The following SLC25A37 variants were observed in gnomAD, a reference collection of about 807,000 sequenced individuals.
SLC25A37 encodes the protein solute carrier family 25 member 37.
SLC25A37 carries 17 observed loss-of-function variants against 31.0 expected under a neutral mutation model. The ratio of observed to expected loss-of-function variants is 0.55; its 90% CI spans 0.38 to 0.82. SLC25A37 has a LOEUF of 0.82. SLC25A37 is among the 40% of genes least tolerant of loss of function. The pLI is 0.00. For synonymous variants in SLC25A37, 222 were observed against 193.0 expected (o/e 1.15, Z -1.24); for missense variants, 404 against 465.8 (o/e 0.87, Z 1.22).
At chr8:23,550,839 G>A (rs779581913) in intron 1 of SLC25A37, among the ~76,000 whole-genome samples, 40 of 152,324 alleles carry the variant, frequency 2.6e-4, no homozygotes, top group Non-Finnish European at 3.4e-4. Flanking sequence ...GAGCATGCCC[G>A]CACCCACGGG....
At chr8:23,546,000 T>C (rs1326017300) in intron 1 of SLC25A37, among the ~76,000 whole-genome samples, 45 of 152,134 alleles carry the variant, frequency 3.0e-4, no homozygotes, top group Non-Finnish European at 2.9e-5. Flanking sequence ...CTGGGTGTGG[T>C]AGCAGATGCC....
intron 1 of SLC25A37, among the ~76,000 whole-genome samples, chr8:23,565,529 T>A (rs1802630605): frequency 6.6e-6 from 1 of 152,236 alleles, no homozygotes; most frequent in South Asian, 2.1e-4. Flanking sequence ...CCATTTATAT[T>A]TAAGTGCCAA....
chr8:23,532,920 T>A (rs1029066759), intron 1 of SLC25A37, among the ~76,000 whole-genome samples: 7 of 152,334 alleles, frequency 4.6e-5, no homozygotes, highest in Admixed American at 3.3e-4. Context: ...CCAAACAAAG[T>A]GCAGTTCGGT....
In SLC25A37 at chr8:23,528,986, C is replaced by A. The variant is rs2066059669; in HGVS notation, c.-17C>A. On this transcript the variant is annotated 5_prime_UTR_variant, in exon 1 of 4. Coordinates refer to ENST00000519973, the MANE Select transcript of SLC25A37 (RefSeq NM_016612.4). ...TGCCCACCTCCTGCAGCCTCCTGCG[C>A]CCCGCCGAGCTGGCGGATGGAGCTG... 3.4e-6 allele frequency: 5 copies of A among 1,479,954 alleles called. No homozygotes were observed. The highest frequency in any genetic ancestry group is 3.6e-6 in the Non-Finnish European group (4 of 1,113,186). The allele number at this position is 1,479,954 out of a possible 1,614,324, so 91.7% of individuals were successfully genotyped here.
chr8:23,529,602 C>A lies in SLC25A37; in HGVS notation c.210+390C>A, dbSNP rs926127683. ...TTCGGGCTGGCTGGGGCCGCCCACA[C>A]GTGCGCGGTTTCCGAGGGAGCTCCC... On this transcript the variant is annotated intron_variant, in intron 1 of 3. Coordinates refer to ENST00000519973, the MANE Select transcript of SLC25A37 (RefSeq NM_016612.4). The surrounding 1 kb of genome is among the most constrained non-coding windows in gnomAD (Gnocchi z 4.1). Among the ~76,000 whole-genome samples the A allele has an allele frequency of 2.6e-5, 4 of 152,196 alleles. No homozygotes were observed. Among genetic ancestry groups the A allele is most frequent in the Non-Finnish European group, 5.9e-5 (4 of 68,028 alleles).
Position 23,529,410 on chromosome 8 carries a change from C to G in SLC25A37, c.210+198C>G, listed in dbSNP as rs1801617909. On this transcript the variant is annotated intron_variant, in intron 1 of 3. Transcript: ENST00000519973. The surrounding 1 kb of genome is among the most constrained non-coding windows in gnomAD (Gnocchi z 4.1). ...CTTCCGCCGACCCCGCGAGGGTGCC[C>G]GGTCCTCGCCCCGCACCGCCCGCTG... Among the ~76,000 whole-genome samples the G allele has an allele frequency of 1.3e-5, 2 of 151,670 alleles. No homozygotes were observed. Among genetic ancestry groups the G allele is most frequent in the African/African-American group, 4.8e-5 (2 of 41,490 alleles).
chr8:23,545,908 G>A (rs1310306843), intron 1 of SLC25A37, among the ~76,000 whole-genome samples: 3 of 152,106 alleles, frequency 2.0e-5, no homozygotes, highest in South Asian at 4.1e-4. Context: ...AGGCCAAGAC[G>A]GGTGGATCAC....
Position 23,571,921 on chromosome 8 carries a change from C to G in SLC25A37, c.*66C>G. 1.3e-6 allele frequency: 2 copies of G among 1,535,178 alleles called. No homozygotes were observed. Among genetic ancestry groups the G allele is most frequent in the South Asian group, 1.2e-5 (1 of 80,542 alleles). On this transcript the variant is annotated 3_prime_UTR_variant, in exon 4 of 4. Transcript: ENST00000519973. ...CCTGCATCCAGCCCCTTGCCCTCTC[C>G]TCACACGTAGATCATTTTTTTTTTG...
In SLC25A37 at chr8:23,571,851, A is replaced by G. The variant is rs752872376; in HGVS notation, c.1013A>G (p.Tyr338Cys). 13 of 1,609,954 alleles carry G rather than the reference A, an allele frequency of 8.1e-6. No homozygotes were observed. The highest frequency in any genetic ancestry group is 1.1e-5 in the Non-Finnish European group (13 of 1,176,654). ...TKRQLENRAP[Y>C] ...CGCCAGCTGGAAAATCGAGCTCCAT[A>G]CTAAAGGAAGGGATCATAGAATCTT... is the stretch of plus-strand genomic sequence containing the variant. Residue 338 changes from tyrosine to cysteine, a missense_variant, in exon 4 of 4, where the codon TAC becomes TGC. Coordinates refer to ENST00000519973, the MANE Select transcript of SLC25A37 (RefSeq NM_016612.4).
At chr8:23,553,729 G>T (rs768713668) in intron 1 of SLC25A37, among the ~76,000 whole-genome samples, 3 of 152,228 alleles carry the variant, frequency 2.0e-5, no homozygotes, top group Admixed American at 6.5e-5. Flanking sequence ...GACAGAATGG[G>T]TTGGTATTGA....
chr8:23,553,628 C>T (rs1802286999), intron 1 of SLC25A37, among the ~76,000 whole-genome samples: 1 of 152,164 alleles, frequency 6.6e-6, no homozygotes, highest in Admixed American at 6.5e-5. Flanking sequence ...TCAGCCTTAG[C>T]CTTTGAATAC....
intron 1 of SLC25A37, among the ~76,000 whole-genome samples, chr8:23,540,295 A>T (rs1338122445): frequency 6.6e-6 from 1 of 152,188 alleles, no homozygotes; most frequent in Non-Finnish European, 1.5e-5. Context: ...AGCCAGTAGG[A>T]TGTTGGATGC....
Position 23,574,090 on chromosome 8 carries a change from A to G in SLC25A37, c.*2235A>G, listed in dbSNP as rs181313224. On this transcript the variant is annotated 3_prime_UTR_variant, in exon 4 of 4. Coordinates refer to ENST00000519973, the MANE Select transcript of SLC25A37 (RefSeq NM_016612.4). ...GCCACGCTGAAGCAAGGTATTTCCT[A>G]CTGGATTTTGCTTTCACTGGTGTTT... 2 of 335,634 alleles carry G rather than the reference A, an allele frequency of 6.0e-6. No homozygotes were observed. Among genetic ancestry groups the G allele is most frequent in the East Asian group, 7.7e-5 (1 of 12,950 alleles). 20.8% of individuals were successfully genotyped at this position (335,634 alleles called of 1,614,324 possible).
rs571632370 is a variant in SLC25A37, at chr8:23,543,692, G to A, written c.210+14480G>A. Among the ~76,000 whole-genome samples, 377 of 152,236 alleles carry A rather than the reference G, an allele frequency of 2.5e-3. 3 individuals are homozygous for A. The highest frequency in any genetic ancestry group is 4.4e-3 in the Non-Finnish European group (298 of 68,018). The stretch of plus-strand genomic sequence containing the variant: ...TGGGACTACAGGCGCCTGCCACCAC[G>A]CCCAGCTAAATTTTGTATTTTTAGT... On this transcript the variant is annotated intron_variant, in intron 1 of 3. Coordinates refer to ENST00000519973, the MANE Select transcript of SLC25A37 (RefSeq NM_016612.4).
At position 23,572,459 on chromosome 8, in the gene SLC25A37, TAATA is replaced by T. The variant is rs1191056662; in HGVS notation, c.*608_*611del. On this transcript the variant is annotated 3_prime_UTR_variant, in exon 4 of 4. Coordinates refer to ENST00000519973, the MANE Select transcript of SLC25A37 (RefSeq NM_016612.4). ...CAGGTGAACGAAAAAGGCAACAAAGTAATAAATCAGTGAATGTGGCCGGCAGCTG... is the reference window on the plus strand; with the variant it reads ...CAGGTGAACGAAAAAGGCAACAAAGTAATCAGTGAATGTGGCCGGCAGCTG... 8 of 152,636 alleles carry T rather than the reference TAATA, an allele frequency of 5.2e-5. No individual in the cohort carries two copies. Among genetic ancestry groups the T allele is most frequent in the Admixed American group, 5.2e-4 (8 of 15,296 alleles). The allele number at this position is 152,636 out of a possible 1,614,324, so 9.5% of individuals were successfully genotyped here.
At position 23,529,020 on chromosome 8, in the gene SLC25A37, G is replaced by A. The variant is rs748023977; in HGVS notation, c.18G>A (p.Gly6=). MELRS[G]SVGSQAVARR... Reference sequence around the variant, plus strand: ...GCTGGCGGATGGAGCTGCGCAGCGGGAGCGTGGGCAGCCAGGCGGTGGCGC... The same window carrying A: ...GCTGGCGGATGGAGCTGCGCAGCGGAAGCGTGGGCAGCCAGGCGGTGGCGC... The change falls in exon 1 of 4, where the codon GGG becomes GGA. Residue 6 remains glycine (G), a synonymous_variant. Coordinates refer to ENST00000519973, the MANE Select transcript of SLC25A37 (RefSeq NM_016612.4). The surrounding 1 kb of genome is among the most constrained non-coding windows in gnomAD (Gnocchi z 4.1). The A allele has an allele frequency of 1.6e-5, 25 of 1,536,802 alleles. No individual in the cohort carries two copies. Among genetic ancestry groups the A allele is most frequent in the Admixed American group, 1.2e-4 (6 of 49,646 alleles).
rs1801835476 is a variant in SLC25A37 at position 23,539,052 on chromosome 8, C to T, written c.210+9840C>T. Among the ~76,000 whole-genome samples, 3 of 152,324 alleles carry T rather than the reference C, an allele frequency of 2.0e-5. No homozygotes were observed. In the South Asian group the frequency reaches 6.2e-4, roughly 32 times the overall value. Reference sequence around the variant, plus strand: ...GGCTCACAGAAGGTGCTCTTGAAAACATCCCCCACCCTCCTCGTAACCCCA... The same window carrying T: ...GGCTCACAGAAGGTGCTCTTGAAAATATCCCCCACCCTCCTCGTAACCCCA... On this transcript the variant is annotated intron_variant, in intron 1 of 3. Coordinates refer to ENST00000519973, the MANE Select transcript of SLC25A37 (RefSeq NM_016612.4).
chr8:23,570,260 A>G (rs1802785584), intron 3 of SLC25A37, among the ~76,000 whole-genome samples: 1 of 152,158 alleles, frequency 6.6e-6, no homozygotes, highest in Non-Finnish European at 1.5e-5. Flanking sequence ...AAGACAGCTC[A>G]TGTTCTGTTT....
At chr8:23,562,080 G>C (rs1802530431) in intron 1 of SLC25A37, among the ~76,000 whole-genome samples, 1 of 152,190 alleles carries the variant, frequency 6.6e-6, no homozygotes, top group Non-Finnish European at 1.5e-5. Context: ...TTGACCATAG[G>C]CTGGGCTTGC....
Sources: allele counts gnomAD v4.1 joint callset (sites outside exome capture counted in the v4.1 genomes callset), GRCh38; gene constraint gnomAD v4.1.1; non-coding constraint Gnocchi (gnomAD v3.1); transcripts MANE v1.5; gene names NCBI Gene and HGNC (gene_info 2026-07-23, HGNC 2026-07-21).